The following SPP1 variants were observed in gnomAD, a reference collection of about 807,000 sequenced individuals.
SPP1 encodes the protein osteopontin.
In SPP1, 18 loss-of-function variants were observed where a neutral mutation model predicts 20.8. The ratio of observed to expected loss-of-function variants is 0.87; its 90% CI spans 0.60 to 1.29. The LOEUF (loss-of-function observed/expected upper bound fraction) is 1.29. Ranked by LOEUF, SPP1 falls within the 50% of genes most tolerant of loss-of-function variation. The pLI is 0.00. For missense variants in SPP1, 363 were observed against 389.0 expected, an observed-to-expected ratio of 0.93 and a Z score of 0.56; for synonymous variants, 146 against 141.5, an observed-to-expected ratio of 1.03 and a Z score of -0.23.
At position 87,980,407 on chromosome 4, in the gene SPP1, T is replaced by C. The variant is rs753567073; in HGVS notation, c.189T>C (p.Ser63=). 6 of 1,614,056 alleles carry C rather than the reference T, an allele frequency of 3.7e-6. No homozygotes were observed. Among genetic ancestry groups the C allele is most frequent in the Non-Finnish European group, 4.2e-6 (5 of 1,180,010 alleles). ...TCCTTCTTCAGAATGCTGTGTCCTC[T>C]GAAGAAACCAATGACTTTAAACAAG... The part of the protein sequence containing the change: ...NLLAPQNAVS[S]EETNDFKQET... The change falls in exon 5 of 7, where the codon TCT becomes TCC. Residue 63 remains serine (S), a synonymous_variant. Coordinates refer to ENST00000395080, the MANE Select transcript of SPP1 (RefSeq NM_001040058.2).
chr4:87,981,821 C>G (rs760661009), intron 6 of SPP1, 23 bp downstream of exon 6: 2 of 1,602,534 alleles, frequency 1.2e-6, no homozygotes, highest in Non-Finnish European at 1.7e-6. Flanking sequence ...ACAGACACAC[C>G]TGATGGTTCT....
chr4:87,978,549 AT>A (rs1453383320), intron 3 of SPP1, among the ~76,000 whole-genome samples: 1 of 151,634 alleles, frequency 6.6e-6, no homozygotes, highest in East Asian at 1.9e-4. Flanking sequence ...CGCCCGGATA[AT>A]TTTTTGTATT....
intron 1 of SPP1, among the ~76,000 whole-genome samples, chr4:87,976,162 A>G (rs1725369658): frequency 6.6e-6 from 1 of 152,216 alleles, no homozygotes; most frequent in Non-Finnish European, 1.5e-5. Flanking sequence ...TGCTAATTAA[A>G]CCAATTACAA....
chr4:87,982,609 C>A lies in SPP1; in HGVS notation c.658C>A (p.Arg220Ser), dbSNP rs769393005. 6.2e-7 allele frequency: 1 copy of A among 1,613,944 alleles called. No individual in the cohort carries two copies. Among genetic ancestry groups the A allele is most frequent in the African/African-American group, 1.3e-5 (1 of 74,874 alleles). The change falls in exon 7 of 7, where the codon CGT (arginine) becomes AGT (serine). Residue 220 changes from arginine to serine, a missense_variant. By Grantham distance (110) the Arg-to-Ser change is moderately radical. Coordinates refer to ENST00000395080, the MANE Select transcript of SPP1 (RefSeq NM_001040058.2). ...DLNAPSDWDS[R>S]GKDSYETSQL... ...GAACGCGCCTTCTGATTGGGACAGC[C>A]GTGGGAAGGACAGTTATGAAACGAG... is the stretch of plus-strand genomic sequence containing the variant.
intron 5 of SPP1, among the ~76,000 whole-genome samples, chr4:87,980,924 A>T: frequency 6.6e-6 from 1 of 152,232 alleles, no homozygotes. Context: ...ATATTTGTCA[A>T]TTTGAAATTT....
chr4:87,979,463 G>A (rs548071830), intron 3 of SPP1, among the ~76,000 whole-genome samples: 11 of 152,106 alleles, frequency 7.2e-5, no homozygotes, highest in Admixed American at 1.3e-4. Context: ...GTGAGCCACC[G>A]TGCCTAGCCA....
chr4:87,976,685 A>G (rs1725387906), intron 1 of SPP1, among the ~76,000 whole-genome samples, 197 bp from the exon 2 acceptor site: 2 of 152,228 alleles, frequency 1.3e-5, no homozygotes. Context: ...TAATAGTGAA[A>G]GATGGATAAT....
At chr4:87,978,712 C>T (rs1232066924) in intron 3 of SPP1, among the ~76,000 whole-genome samples, 2 of 152,042 alleles carry the variant, frequency 1.3e-5, no homozygotes, top group Non-Finnish European at 2.9e-5. Context: ...CAAGGAACCC[C>T]TTCTTTCAGC....
At chr4:87,976,233 C>T (rs1725372151) in intron 1 of SPP1, among the ~76,000 whole-genome samples, 1 of 152,054 alleles carries the variant, frequency 6.6e-6, no homozygotes, top group Non-Finnish European at 1.5e-5. Flanking sequence ...CTGAATATGC[C>T]ACTGCTAAAT....
intron 4 of SPP1, 57 bp from the exon 5 acceptor site, chr4:87,980,336 T>C (rs1338772316): frequency 6.2e-7 from 1 of 1,603,352 alleles, no homozygotes; most frequent in Non-Finnish European, 8.5e-7. Context: ...GGTTAACTTT[T>C]GAATAAAAAA....
At position 87,982,770 on chromosome 4, in the gene SPP1, CCACAGCCATGAATTT is replaced by C. The variant is rs1275350978; in HGVS notation, c.832_846del (p.Phe278_Glu282del). ...AACTTTCCAAAGTCAGCCGTGAATT[CCACAGCCATGAATTT>C]CACAGCCATGAAGATATGCTGGTTG... is the stretch of plus-strand genomic sequence containing the variant. On this transcript the variant is annotated inframe_deletion, in exon 7 of 7. Coordinates refer to ENST00000395080, the MANE Select transcript of SPP1 (RefSeq NM_001040058.2). 6 of 1,614,034 alleles carry C rather than the reference CCACAGCCATGAATTT, an allele frequency of 3.7e-6. No homozygotes were observed. The highest frequency in any genetic ancestry group is 4.2e-6 in the Non-Finnish European group (5 of 1,180,032).
In SPP1 at chr4:87,982,482, C is replaced by G; in HGVS notation, c.541-10C>G. On this transcript the variant is annotated splice_polypyrimidine_tract_variant and intron_variant, in intron 6 of 6. Transcript: ENST00000395080. ...TCATATAATTATTCTTCATTTGTGCCGTGATTCAGTACCCTGATGCTACAG... is the reference window on the plus strand; with the variant it reads ...TCATATAATTATTCTTCATTTGTGCGGTGATTCAGTACCCTGATGCTACAG... 8.1e-6 allele frequency: 13 copies of G among 1,607,480 alleles called. No individual in the cohort carries two copies. The highest frequency in any genetic ancestry group is 5.5e-5 in the South Asian group (5 of 90,568).
chr4:87,980,702 T>A, intron 5 of SPP1: 1 of 455,896 alleles, frequency 2.2e-6, no homozygotes, highest in Non-Finnish European at 3.8e-6. Context: ...TTTGTAGATA[T>A]CTAATATCTA....
chr4:87,982,094 G>A (rs1282891366), intron 6 of SPP1, among the ~76,000 whole-genome samples: 1 of 151,994 alleles, frequency 6.6e-6, no homozygotes, highest in East Asian at 1.9e-4. Context: ...AAAAAATAAT[G>A]GTCATGTTTT....
In SPP1 at chr4:87,981,698, C is replaced by T. The variant is rs778171221; in HGVS notation, c.440C>T (p.Thr147Ile). 3 of 1,614,056 alleles carry T rather than the reference C, an allele frequency of 1.9e-6. No homozygotes were observed. The highest frequency in any genetic ancestry group is 1.3e-5 in the African/African-American group (1 of 74,914). Residue 147 changes from threonine (T) to isoleucine (I), a missense_variant, in exon 6 of 7, where the codon ACT (threonine) becomes ATT (isoleucine). Coordinates refer to ENST00000395080, the MANE Select transcript of SPP1 (RefSeq NM_001040058.2). ...PTDLPATEVF[T>I]PVVPTVDTYD... ...GACCTGCCAGCAACCGAAGTTTTCA[C>T]TCCAGTTGTCCCCACAGTAGACACA...
Position 87,981,530 on chromosome 4 carries a change from A to C in SPP1, c.272A>C (p.Glu91Ala). ...SHDHMDDMDD[E>A]DDDDHVDSQD... ...GACCACATGGATGATATGGATGATG[A>C]AGATGATGATGACCATGTGGACAGC... The change falls in exon 6 of 7, where the codon GAA (glutamate) becomes GCA (alanine). Residue 91 changes from glutamate to alanine, a missense_variant. Glu to Ala is a moderately radical substitution (Grantham distance 107, BLOSUM62 -1). Transcript: ENST00000395080. The C allele has an allele frequency of 6.2e-7, 1 of 1,614,212 alleles. No individual in the cohort carries two copies. Among genetic ancestry groups the C allele is most frequent in the East Asian group, 2.2e-5 (1 of 44,884 alleles).
In SPP1 at chr4:87,982,527, C is replaced by A. The variant is rs767926035; in HGVS notation, c.576C>A (p.His192Gln). ...CTACAGACGAGGACATCACCTCACA[C>A]ATGGAAAGCGAGGAGTTGAATGGTG... ...PDATDEDITS[H>Q]MESEELNGAY... Residue 192 changes from histidine to glutamine, a missense_variant, in exon 7 of 7, where the codon CAC becomes CAA. Physicochemically the swap from His to Gln is conservative, Grantham distance 24. Coordinates refer to ENST00000395080, the MANE Select transcript of SPP1 (RefSeq NM_001040058.2). The A allele has an allele frequency of 2.5e-6, 4 of 1,614,128 alleles. No individual in the cohort carries two copies. The highest frequency in any genetic ancestry group is 3.4e-6 in the Non-Finnish European group (4 of 1,180,006).
Position 87,981,699 on chromosome 4 carries a change from TC to T in SPP1, c.443del (p.Pro148GlnfsTer6), listed in dbSNP as rs774438978. On this transcript the variant is annotated frameshift_variant, in exon 6 of 7. Coordinates refer to ENST00000395080, the MANE Select transcript of SPP1 (RefSeq NM_001040058.2). LOFTEE classifies it high-confidence loss of function. ...TDLPATEVFT[P>X]VVPTVDTYDG... ...ACCTGCCAGCAACCGAAGTTTTCAC[TC>T]CAGTTGTCCCCACAGTAGACACATA... is the stretch of plus-strand genomic sequence containing the variant. The T allele has an allele frequency of 6.2e-7, 1 of 1,614,124 alleles. No homozygotes were observed. The highest frequency in any genetic ancestry group is 8.5e-7 in the Non-Finnish European group (1 of 1,180,008).
At position 87,981,462 on chromosome 4, in the gene SPP1, T is replaced by A; in HGVS notation, c.217-13T>A. On this transcript the variant is annotated splice_polypyrimidine_tract_variant and intron_variant, in intron 5 of 6. Coordinates refer to ENST00000395080, the MANE Select transcript of SPP1 (RefSeq NM_001040058.2). ...ACCCATATATTAATTTTCCCGGCCATCTTAATTTTCAGACCCTTCCAAGTA... is the reference window on the plus strand; with the variant it reads ...ACCCATATATTAATTTTCCCGGCCAACTTAATTTTCAGACCCTTCCAAGTA... 1 of 1,608,118 alleles carries A rather than the reference T, an allele frequency of 6.2e-7. No individual in the cohort carries two copies. The highest frequency in any genetic ancestry group is 8.5e-7 in the Non-Finnish European group (1 of 1,176,710).
Sources: allele counts gnomAD v4.1 joint callset (sites outside exome capture counted in the v4.1 genomes callset), GRCh38; gene constraint gnomAD v4.1.1; transcripts MANE v1.5; gene names NCBI Gene and HGNC (gene_info 2026-07-23, HGNC 2026-07-21).